TNPO1: variants seen among roughly 807,000 people sequenced by gnomAD.
TNPO1 encodes the protein transportin 1, also known as transportin-1.
In TNPO1, 8 loss-of-function variants were observed where a neutral mutation model predicts 119.5. The observed-to-expected ratio is 0.07, with a 90% CI of 0.04 to 0.12. The LOEUF is 0.12. Ranked by LOEUF, TNPO1 falls within the 10% of genes least tolerant of loss-of-function variation. TNPO1 has a pLI of 1.00. For missense variants in TNPO1, 576 were observed against 1,089.8 expected (o/e 0.53, Z 6.64); for synonymous variants, 362 against 363.0 (o/e 1.00, Z 0.03).
chr5:72,878,542 A>T lies in TNPO1; in HGVS notation c.920+1196A>T, dbSNP rs781222537. ...ATGGTACTTGAATGTTCCTATTTTCATATGGTCAACTGAGTTTTTTCTTTC... is the reference window on the plus strand; with the variant it reads ...ATGGTACTTGAATGTTCCTATTTTCTTATGGTCAACTGAGTTTTTTCTTTC... On this transcript the variant is annotated intron_variant, in intron 9 of 24. Transcript: ENST00000337273. The T allele has an allele frequency of 3.6e-4, 55 of 151,460 alleles. 1 individual carries two copies. In the Middle Eastern group the frequency reaches 6.8e-3, roughly 19 times the overall value. The allele number at this position is 151,460 out of a possible 1,614,324, so 9.4% of individuals were successfully genotyped here. A position where few individuals can be genotyped will look rare whatever the true frequency, so the allele number is the denominator to read the frequency against.
chr5:72,844,874 T>G (rs542724011), intron 1 of TNPO1, among the ~76,000 whole-genome samples: 1 of 152,328 alleles, frequency 6.6e-6, no homozygotes, highest in African/African-American at 2.4e-5. Flanking sequence ...TCTGGCTTCT[T>G]TACTTCACAT....
In TNPO1 at chr5:72,883,085, A is replaced by G; in HGVS notation, c.1003A>G (p.Thr335Ala). The G allele has an allele frequency of 6.2e-7, 1 of 1,613,074 alleles. No individual in the cohort carries two copies. The highest frequency in any genetic ancestry group is 8.5e-7 in the Non-Finnish European group (1 of 1,179,754). Residue 335 changes from threonine to alanine, a missense_variant, in exon 11 of 25, where the codon ACG becomes GCG. Thr to Ala is a moderately conservative substitution (Grantham distance 58, BLOSUM62 0). Transcript: ENST00000337273. ...ACAGGGTGATGTTGAAGAAGACGAA[A>G]CGATTCCTGATAGTGAACAGGATAT... is the stretch of plus-strand genomic sequence containing the variant. ...LLKGDVEEDE[T>A]IPDSEQDIRP...
At chr5:72,904,929 C>T (rs558933950) in intron 23 of TNPO1, among the ~76,000 whole-genome samples, 1 of 152,260 alleles carries the variant, frequency 6.6e-6, no homozygotes, top group South Asian at 2.1e-4. Context: ...AGTCTTAAAT[C>T]GCAGCAGGCA....
In TNPO1 at chr5:72,897,040, T is replaced by A; in HGVS notation, c.2243-16T>A. The A allele has an allele frequency of 2.6e-6, 4 of 1,526,374 alleles. No individual in the cohort carries two copies. Among genetic ancestry groups the A allele is most frequent in the Non-Finnish European group, 3.5e-6 (4 of 1,140,356 alleles). 94.6% of individuals were successfully genotyped at this position (1,526,374 alleles called of 1,614,324 possible). On this transcript the variant is annotated splice_polypyrimidine_tract_variant and intron_variant, in intron 19 of 24. Coordinates refer to ENST00000337273, the MANE Select transcript of TNPO1 (RefSeq NM_002270.4). ...TTTTTTCTTTTTTGTTTTTTTCTTT[T>A]TGGGATGATCTCTAGGTATAGAGAT...
Position 72,855,913 on chromosome 5 carries a change from A to G in TNPO1, c.345A>G (p.Arg115=). 2 of 1,613,506 alleles carry G rather than the reference A, an allele frequency of 1.2e-6. No homozygotes were observed. The highest frequency in any genetic ancestry group is 1.7e-6 in the Non-Finnish European group (2 of 1,179,804). Residue 115 remains arginine, a synonymous_variant, in exon 4 of 25, where the codon AGA becomes AGG. Coordinates refer to ENST00000337273, the MANE Select transcript of TNPO1 (RefSeq NM_002270.4). The part of the protein sequence containing the change: ...NNIGDSSPLI[R]ATVGILITTI... ...TTGGTGACTCCTCTCCTCTGATTAG[A>G]GCCACTGTTGGTAAGTTATATTACA...
intron 7 of TNPO1, among the ~76,000 whole-genome samples, chr5:72,874,771 T>C (rs1191372211): frequency 2.0e-5 from 3 of 152,196 alleles, no homozygotes; most frequent in African/African-American, 4.8e-5. Flanking sequence ...AAAAAGACAG[T>C]GGGACACATT....
chr5:72,874,798 T>G (rs886603614), intron 7 of TNPO1, among the ~76,000 whole-genome samples: 15 of 152,224 alleles, frequency 9.9e-5, no homozygotes, highest in Non-Finnish European at 2.1e-4. Flanking sequence ...TACTTAACTT[T>G]TTAAATGCTT....
chr5:72,891,223 T>C lies in TNPO1; in HGVS notation c.1702-587T>C, dbSNP rs145861941. Among the ~76,000 whole-genome samples the C allele has an allele frequency of 4.8e-3, 722 of 151,926 alleles. 7 individuals carry two copies. Among genetic ancestry groups the C allele is most frequent in the African/African-American group, 0.017 (701 of 41,502 alleles). Reference sequence around the variant, plus strand: ...GGCTCACACCTGTAATCCCAGCACTTTGGGAGGCTGAGGTGGGCAGATCAA... The same window carrying C: ...GGCTCACACCTGTAATCCCAGCACTCTGGGAGGCTGAGGTGGGCAGATCAA... On this transcript the variant is annotated intron_variant, in intron 14 of 24. Transcript: ENST00000337273.
At chr5:72,825,551 G>A (rs1337800902) in intron 1 of TNPO1, among the ~76,000 whole-genome samples, 12 of 152,176 alleles carry the variant, frequency 7.9e-5, no homozygotes, top group Admixed American at 7.2e-4. Context: ...GCCGGGCGTG[G>A]TGGCACGTGC....
chr5:72,849,950 A>G (rs552955758), intron 2 of TNPO1, among the ~76,000 whole-genome samples: 4 of 152,154 alleles, frequency 2.6e-5, no homozygotes, highest in Admixed American at 6.5e-5. Context: ...GTTTTAGTCT[A>G]CATTTATTAG....
At chr5:72,892,166 C>T (rs930725390) in intron 15 of TNPO1, among the ~76,000 whole-genome samples, 2 of 151,468 alleles carry the variant, frequency 1.3e-5, no homozygotes, top group Non-Finnish European at 1.5e-5. Flanking sequence ...GATATATATA[C>T]CGGGATATAT....
At position 72,868,199 on chromosome 5, in the gene TNPO1, G is replaced by A. The variant is rs192935516; in HGVS notation, c.596+2470G>A. On this transcript the variant is annotated intron_variant, in intron 6 of 24. Transcript: ENST00000337273. Reference sequence around the variant, plus strand: ...TGTAATCCCAGCACTTTGGGAGGCCGAGGCAGGCGGATCACGAGGTCAGGA... The same window carrying A: ...TGTAATCCCAGCACTTTGGGAGGCCAAGGCAGGCGGATCACGAGGTCAGGA... Among the ~76,000 whole-genome samples, 303 of 152,082 alleles carry A rather than the reference G, an allele frequency of 2.0e-3. 3 individuals carry two copies. Among genetic ancestry groups the A allele is most frequent in the African/African-American group, 7.1e-3 (293 of 41,502 alleles).
At chr5:72,880,279 T>A (rs189289810) in intron 9 of TNPO1, among the ~76,000 whole-genome samples, 1 of 152,336 alleles carries the variant, frequency 6.6e-6, no homozygotes, top group East Asian at 1.9e-4. Context: ...TTTATTTTTT[T>A]AACTAGTACT....
intron 1 of TNPO1, among the ~76,000 whole-genome samples, chr5:72,822,805 C>T (rs759214381): frequency 2.0e-5 from 3 of 151,514 alleles, no homozygotes; most frequent in Non-Finnish European, 2.9e-5. Context: ...GCTGTGCAGG[C>T]GTGTCTCCAA....
In TNPO1 at chr5:72,851,328, G is replaced by T. The variant is rs759086719; in HGVS notation, c.205+9G>T. 1.4e-6 allele frequency: 2 copies of T among 1,452,532 alleles called. No individual in the cohort carries two copies. Among genetic ancestry groups the T allele is most frequent in the African/African-American group, 2.8e-5 (2 of 71,294 alleles). 90.0% of individuals were successfully genotyped at this position (1,452,532 alleles called of 1,614,324 possible). On this transcript the variant is annotated intron_variant, in intron 3 of 24. Coordinates refer to ENST00000337273, the MANE Select transcript of TNPO1 (RefSeq NM_002270.4). ...AAAATTAAAATCTGAAGGTAAGTAG[G>T]ATTTGTATTGATAACTATTTAAAGT...
At chr5:72,831,832 A>G (rs957719439) in intron 1 of TNPO1, among the ~76,000 whole-genome samples, 10 of 152,000 alleles carry the variant, frequency 6.6e-5, no homozygotes, top group Non-Finnish European at 1.2e-4. Context: ...AAGTTGCTCT[A>G]AGTACATTAA....
At chr5:72,844,909 A>C (rs1745062030) in intron 1 of TNPO1, among the ~76,000 whole-genome samples, 1 of 152,188 alleles carries the variant, frequency 6.6e-6, no homozygotes, top group African/African-American at 2.4e-5. Flanking sequence ...GCAAATTCAA[A>C]ATTTTTATGT....
At chr5:72,865,850 A>G in intron 6 of TNPO1, 121 bp downstream of exon 6, 1 of 1,061,492 alleles carries the variant, frequency 9.4e-7, no homozygotes, top group East Asian at 2.6e-5. Flanking sequence ...TGTTCCAGAG[A>G]GGTGAACTTA....
intron 4 of TNPO1, among the ~76,000 whole-genome samples, chr5:72,858,520 A>G (rs1047423396): frequency 1.3e-5 from 2 of 152,114 alleles, no homozygotes; most frequent in Non-Finnish European, 2.9e-5. Flanking sequence ...GAGGGGAGAA[A>G]TTATTTTGGG....
Sources: gnomAD v4.1 joint callset for allele counts (sites outside exome capture counted in the v4.1 genomes callset) on GRCh38, gnomAD v4.1.1 for gene constraint, MANE v1.5 for transcripts, NCBI Gene and HGNC (gene_info 2026-07-23, HGNC 2026-07-21) for gene names.